Variants in MYO1B observed in about 807,000 individuals in gnomAD.
MYO1B encodes the protein myosin IB, also known as unconventional myosin-Ib.
A neutral mutation model predicts 159.7 loss-of-function variants in MYO1B; 72 were observed. The ratio of observed to expected loss-of-function variants is 0.45; its 90% CI spans 0.37 to 0.55. MYO1B has a LOEUF of 0.55. Ranked by LOEUF, MYO1B falls within the 20% of genes least tolerant of loss-of-function variation. The pLI, the probability that MYO1B is intolerant of heterozygous loss-of-function variation, is 0.00. For missense variants in MYO1B, 1,062 were observed against 1,364.8 expected (o/e 0.78, Z 3.50); for synonymous variants, 468 against 473.8 (o/e 0.99, Z 0.16).
chr2:191,421,314 A>G (rs966942650), intron 30 of MYO1B, among the ~76,000 whole-genome samples: 6 of 151,448 alleles, frequency 4.0e-5, no homozygotes, highest in African/African-American at 9.7e-5. Flanking sequence ...AGGTGATCCG[A>G]CCACCTCAGC....
At position 191,360,671 on chromosome 2, in the gene MYO1B, T is replaced by C; in HGVS notation, c.603T>C (p.Gly201=). 6.2e-7 allele frequency: 1 copy of C among 1,613,732 alleles called. No individual in the cohort carries two copies. The highest frequency in any genetic ancestry group is 1.1e-5 in the South Asian group (1 of 91,026). ...EKSRVVKQPR[G]ERNFHVFYQL... ...CTCGGGTTGTTAAACAGCCAAGAGG[T>C]GAAAGAAACTTCCATGTGTTCTATC... Residue 201 remains glycine (G), a synonymous_variant, in exon 8 of 31, where the codon GGT becomes GGC. Coordinates refer to ENST00000392318, the MANE Select transcript of MYO1B (RefSeq NM_001130158.3).
chr2:191,382,582 A>G (rs984994801), intron 14 of MYO1B, among the ~76,000 whole-genome samples: 1 of 152,240 alleles, frequency 6.6e-6, no homozygotes, highest in Non-Finnish European at 1.5e-5. Context: ...TGTTTAAAAC[A>G]CTTCTAAGAA....
intron 29 of MYO1B, 40 bp from the exon 30 acceptor site, chr2:191,416,075 G>A (rs776882829): frequency 1.3e-6 from 2 of 1,595,336 alleles, no homozygotes; most frequent in Non-Finnish European, 1.7e-6. Context: ...ACCTTCTAAG[G>A]TATCTTTAAT....
At chr2:191,326,630 C>T (rs1691086806) in intron 3 of MYO1B, among the ~76,000 whole-genome samples, 1 of 152,066 alleles carries the variant, frequency 6.6e-6, no homozygotes, top group South Asian at 2.1e-4. Context: ...ATGAATGAGA[C>T]CCTGTCTTTG....
chr2:191,391,784 T>C (rs948876506), intron 18 of MYO1B, among the ~76,000 whole-genome samples: 1 of 152,268 alleles, frequency 6.6e-6, no homozygotes, highest in African/African-American at 2.4e-5. Flanking sequence ...TCTGAATTTC[T>C]TGCACACCCT....
intron 14 of MYO1B, 44 bp from the exon 15 acceptor site, chr2:191,383,236 G>T: frequency 8.1e-7 from 1 of 1,240,654 alleles, no homozygotes. Context: ...TAGTGTCGTG[G>T]CTTCATCTTG....
chr2:191,288,439 C>T (rs1688509126), intron 2 of MYO1B, among the ~76,000 whole-genome samples: 1 of 152,038 alleles, frequency 6.6e-6, no homozygotes, highest in Non-Finnish European at 1.5e-5. Context: ...TTTATATAAC[C>T]CTGGAGCACT....
At chr2:191,273,779 C>T (rs1687595392) in intron 1 of MYO1B, among the ~76,000 whole-genome samples, 1 of 152,212 alleles carries the variant, frequency 6.6e-6, no homozygotes, top group South Asian at 2.1e-4. Flanking sequence ...ATCCCCAGTG[C>T]TCTACATACA....
At chr2:191,391,380 A>G (rs955307000) in intron 18 of MYO1B, among the ~76,000 whole-genome samples, 2 of 152,212 alleles carry the variant, frequency 1.3e-5, no homozygotes, top group African/African-American at 2.4e-5. Context: ...TATTATAAGA[A>G]GATCTAGAAA....
intron 3 of MYO1B, among the ~76,000 whole-genome samples, chr2:191,302,172 A>T (rs533026350): frequency 6.6e-6 from 1 of 152,324 alleles, no homozygotes; most frequent in South Asian, 2.1e-4. Context: ...TCCACAAGGG[A>T]CTTGCACTGG....
chr2:191,364,969 G>A (rs988845350), intron 11 of MYO1B, among the ~76,000 whole-genome samples: 2 of 150,552 alleles, frequency 1.3e-5, no homozygotes, highest in African/African-American at 5.0e-5. Flanking sequence ...AGCCAAATTG[G>A]CCTCCCTGCC....
At chr2:191,416,281 C>T (rs763933228) in intron 30 of MYO1B, 39 bp downstream of exon 30, 9 of 1,612,426 alleles carry the variant, frequency 5.6e-6, no homozygotes, top group African/African-American at 2.7e-5. Context: ...TTTTCTCTTT[C>T]AGCTTTTTTG....
intron 7 of MYO1B, among the ~76,000 whole-genome samples, chr2:191,359,930 T>C (rs555710862): frequency 1.1e-4 from 16 of 152,302 alleles, no homozygotes; most frequent in Non-Finnish European, 1.2e-4. Flanking sequence ...AGACCTCAGA[T>C]TTATGGGTTG....
intron 2 of MYO1B, among the ~76,000 whole-genome samples, chr2:191,286,137 A>G (rs1421813877): frequency 6.6e-6 from 1 of 152,166 alleles, no homozygotes; most frequent in Non-Finnish European, 1.5e-5. Flanking sequence ...TTATATGTCT[A>G]TTGCATATGC....
At chr2:191,339,989 A>G (rs1356651700) in intron 4 of MYO1B, among the ~76,000 whole-genome samples, 2 of 151,846 alleles carry the variant, frequency 1.3e-5, no homozygotes, top group East Asian at 3.9e-4. Context: ...CTGTAGGCAG[A>G]GAGACCCTCC....
chr2:191,301,567 G>A (rs1689334754), intron 3 of MYO1B, among the ~76,000 whole-genome samples: 1 of 152,198 alleles, frequency 6.6e-6, no homozygotes, highest in South Asian at 2.1e-4. Context: ...TTTCCTTCAG[G>A]CTATGTATAT....
At chr2:191,294,593 A>G (rs1351476783) in intron 2 of MYO1B, among the ~76,000 whole-genome samples, 2 of 152,186 alleles carry the variant, frequency 1.3e-5, no homozygotes, top group Non-Finnish European at 2.9e-5. Context: ...CAGTGTGAGG[A>G]CAACCAGAAA....
chr2:191,400,873 T>A, intron 23 of MYO1B, 38 bp downstream of exon 23: 1 of 1,593,022 alleles, frequency 6.3e-7, no homozygotes, highest in Non-Finnish European at 8.6e-7. Context: ...CATCCTGGAA[T>A]TCTGCAATAA....
At chr2:191,277,097 C>T in intron 2 of MYO1B, 67 bp downstream of exon 2, 1 of 1,535,368 alleles carries the variant, frequency 6.5e-7, no homozygotes, top group South Asian at 1.2e-5. Context: ...GCTGTCTTTT[C>T]TTCCTCAGAC....
Sources: gnomAD v4.1 joint callset for allele counts (sites outside exome capture counted in the v4.1 genomes callset) on GRCh38, gnomAD v4.1.1 for gene constraint, MANE v1.5 for transcripts, NCBI Gene and HGNC (gene_info 2026-07-23, HGNC 2026-07-21) for gene names.